CADPS: variants seen among roughly 807,000 people sequenced by gnomAD.
CADPS encodes calcium dependent secretion activator.
In CADPS, 57 loss-of-function variants were observed where a neutral mutation model predicts 167.3. The ratio of observed to expected loss-of-function variants is 0.34; its 90% CI spans 0.28 to 0.42. The LOEUF (loss-of-function observed/expected upper bound fraction) is 0.42. Ranked by LOEUF, CADPS falls within the 20% of genes least tolerant of loss-of-function variation. CADPS has a pLI of 1.00. For missense variants in CADPS, 1,414 were observed against 1,738.1 expected, an observed-to-expected ratio of 0.81 and a Z score of 3.32; for synonymous variants, 676 against 635.3, an observed-to-expected ratio of 1.06 and a Z score of -0.96.
chr3:62,801,002 G>A (rs1478341410), intron 1 of CADPS, among the ~76,000 whole-genome samples: 1 of 152,118 alleles, frequency 6.6e-6, no homozygotes, highest in Non-Finnish European at 1.5e-5. Flanking sequence ...GATGGTAAGA[G>A]TAGAGTCAAG....
chr3:62,484,452 A>G (rs980582988), intron 21 of CADPS, among the ~76,000 whole-genome samples: 1 of 152,156 alleles, frequency 6.6e-6, no homozygotes, highest in South Asian at 2.1e-4. Context: ...ACCTTAAAAC[A>G]AGTTAGTTAT....
chr3:62,447,087 G>T (rs1462500857), intron 26 of CADPS, among the ~76,000 whole-genome samples: 1 of 152,096 alleles, frequency 6.6e-6, no homozygotes, highest in Non-Finnish European at 1.5e-5. Flanking sequence ...GAACCAATAG[G>T]GTGGGGTGGA....
chr3:62,504,625 C>A (rs2066315863), intron 17 of CADPS, among the ~76,000 whole-genome samples: 1 of 152,208 alleles, frequency 6.6e-6, no homozygotes, highest in Non-Finnish European at 1.5e-5. Flanking sequence ...AGAATTCTGA[C>A]AGTGAGGTTT....
At position 62,438,354 on chromosome 3, in the gene CADPS, CA is replaced by C. The variant is rs1277400732; in HGVS notation, c.3670-144del. 1.1e-5 allele frequency: 7 copies of C among 625,276 alleles called. No individual in the cohort carries two copies. Among genetic ancestry groups the C allele is most frequent in the Non-Finnish European group, 2.0e-5 (7 of 345,812 alleles). The allele number at this position is 625,276 out of a possible 1,614,324, so 38.7% of individuals were successfully genotyped here. On this transcript the variant is annotated intron_variant, in intron 27 of 29. Transcript: ENST00000383710. This position sits in a 1 kb window ranked among gnomAD's most constrained non-coding sequence, Gnocchi z 4.7. ...GCTTTGTAGGCATGGGATTGCTGTC[CA>C]CAGCCTGGGCTGGTAGGAATTGATA... is the stretch of plus-strand genomic sequence containing the variant.
intron 1 of CADPS, among the ~76,000 whole-genome samples, chr3:62,826,820 ACT>A (rs1227284568): frequency 1.3e-5 from 2 of 152,004 alleles, no homozygotes; most frequent in Non-Finnish European, 2.9e-5. Flanking sequence ...TAACATGGTC[ACT>A]CTGCTATTTA....
chr3:62,792,596 CTTATTTT>C (rs1279867902), intron 1 of CADPS, among the ~76,000 whole-genome samples: 1 of 151,852 alleles, frequency 6.6e-6, no homozygotes, highest in African/African-American at 2.4e-5. Context: ...ACTTAAAAAA[CTTATTTT>C]TTATTTTTTA....
intron 3 of CADPS, among the ~76,000 whole-genome samples, chr3:62,738,774 A>G (rs753282332): frequency 5.3e-5 from 8 of 152,210 alleles, no homozygotes; most frequent in Non-Finnish European, 1.2e-4. Context: ...CTTTTTCATT[A>G]GGAGAGGTCA....
At chr3:62,748,337 TC>T (rs1353993668) in intron 3 of CADPS, among the ~76,000 whole-genome samples, 1 of 34,830 alleles carries the variant, frequency 2.9e-5, no homozygotes, top group Non-Finnish European at 5.4e-5. Context: ...GAAGCGAGAC[TC>T]CGTCTCAAAA....
intron 1 of CADPS, among the ~76,000 whole-genome samples, chr3:62,865,698 G>A (rs1265872574): frequency 6.6e-6 from 1 of 152,102 alleles, no homozygotes; most frequent in Non-Finnish European, 1.5e-5. Flanking sequence ...CCATATCTAA[G>A]AAGCAGTTTT....
rs186416751 is a variant in CADPS, at chr3:62,731,564, T to C, written c.888+21877A>G. 5.6e-3 allele frequency among the ~76,000 whole-genome samples: 850 copies of C among 151,180 alleles called. 37 individuals carry two copies. In the South Asian group the frequency reaches 0.11, roughly 20 times the overall value. Reference sequence around the variant, plus strand: ...TCTCTAATCCCAGAACAAGAAAGAGTCCCCTATACTGGTGCAGCTCTGGTT... The same window carrying C: ...TCTCTAATCCCAGAACAAGAAAGAGCCCCCTATACTGGTGCAGCTCTGGTT... On this transcript the variant is annotated intron_variant, in intron 3 of 29. Coordinates refer to ENST00000383710, the MANE Select transcript of CADPS (RefSeq NM_003716.4).
chr3:62,724,775 A>G (rs1046091796), intron 3 of CADPS, among the ~76,000 whole-genome samples: 67 of 152,210 alleles, frequency 4.4e-4, no homozygotes, highest in African/African-American at 1.5e-3. Flanking sequence ...GTTGCTCTCC[A>G]CGAAACCTTC....
intron 3 of CADPS, among the ~76,000 whole-genome samples, chr3:62,721,762 A>G (rs1229300104): frequency 6.6e-6 from 1 of 152,184 alleles, no homozygotes; most frequent in African/African-American, 2.4e-5. Flanking sequence ...ACATTATTTA[A>G]TTTAATTTAT....
intron 6 of CADPS, among the ~76,000 whole-genome samples, chr3:62,597,660 G>T (rs1341779808): frequency 6.6e-6 from 1 of 152,186 alleles, no homozygotes; most frequent in Non-Finnish European, 1.5e-5. Context: ...CTGTGGGGCA[G>T]TCAGTGCTTC....
At chr3:62,844,682 C>T (rs2077128737) in intron 1 of CADPS, among the ~76,000 whole-genome samples, 1 of 152,180 alleles carries the variant, frequency 6.6e-6, no homozygotes, top group African/African-American at 2.4e-5. Flanking sequence ...ACTTAAAGAT[C>T]TCAGTGCAGT....
At position 62,421,772 on chromosome 3, in the gene CADPS, C is replaced by T. The variant is rs1227645050; in HGVS notation, c.3777+16332G>A. Among the ~76,000 whole-genome samples, 2 of 152,120 alleles carry T rather than the reference C, an allele frequency of 1.3e-5. No homozygotes were observed. The highest frequency in any genetic ancestry group is 1.3e-4 in the Admixed American group (2 of 15,272). ...CTGGAGACGCATTTGGAGTTCTTTC[C>T]TAGGGATGGAGGGATGCCCCGGGTC... On this transcript the variant is annotated intron_variant, in intron 28 of 29. Transcript: ENST00000383710. This position sits in a 1 kb window ranked among gnomAD's most constrained non-coding sequence, Gnocchi z 4.7.
chr3:62,543,538 G>A (rs1439551531), intron 11 of CADPS, among the ~76,000 whole-genome samples: 1 of 151,956 alleles, frequency 6.6e-6, no homozygotes, highest in Non-Finnish European at 1.5e-5. Context: ...AGACATTCAA[G>A]AAAAGTAAAG....
rs1295171104 is a variant in CADPS, at chr3:62,874,704, T to C, written c.326A>G (p.Gln109Arg). 2 of 1,549,892 alleles carry C rather than the reference T, an allele frequency of 1.3e-6. No homozygotes were observed. The highest frequency in any genetic ancestry group is 1.7e-6 in the Non-Finnish European group (2 of 1,144,838). ...EKEKEELERL[Q>R]KEEEERKKRL... Reference sequence around the variant, plus strand: ...CTTCTTCCTCTCCTCCTCCTCTTTCTGCAGCCGCTCCAACTCTTCCTTCTC... The same window carrying C: ...CTTCTTCCTCTCCTCCTCCTCTTTCCGCAGCCGCTCCAACTCTTCCTTCTC... Residue 109 changes from glutamine to arginine, a missense_variant, in exon 1 of 30, where the codon CAG becomes CGG. Gln to Arg is a conservative substitution (Grantham distance 43). Around this residue, in one of 6 missense-constraint regions of CADPS, gnomAD observed 522 missense variants for 559.5 expected, o/e 0.93. Coordinates refer to ENST00000383710, the MANE Select transcript of CADPS (RefSeq NM_003716.4). The surrounding 1 kb of genome is among the most constrained non-coding windows in gnomAD (Gnocchi z 7.1).
At chr3:62,791,696 C>G (rs1398538348) in intron 1 of CADPS, among the ~76,000 whole-genome samples, 1 of 152,166 alleles carries the variant, frequency 6.6e-6, no homozygotes, top group Admixed American at 6.5e-5. Flanking sequence ...TAAGTCACGG[C>G]AGGAAAACGG....
rs183245657 is a variant in CADPS, at chr3:62,751,275, A to G, written c.888+2166T>C. On this transcript the variant is annotated intron_variant, in intron 3 of 29. Transcript: ENST00000383710. ...CTAAAGACATAGAAATCAAAAAACCATATATTTAGAATTCATGTGTATTTT... is the reference window on the plus strand; with the variant it reads ...CTAAAGACATAGAAATCAAAAAACCGTATATTTAGAATTCATGTGTATTTT... 2.0e-3 allele frequency among the ~76,000 whole-genome samples: 308 copies of G among 152,292 alleles called. 2 individuals are homozygous for G. Among genetic ancestry groups the G allele is most frequent in the Non-Finnish European group, 3.6e-3 (243 of 68,014 alleles).
Sources: allele counts gnomAD v4.1 joint callset (sites outside exome capture counted in the v4.1 genomes callset), GRCh38; gene constraint gnomAD v4.1.1; regional missense constraint gnomAD v4.1.1; non-coding constraint Gnocchi (gnomAD v3.1); transcripts MANE v1.5; gene names NCBI Gene and HGNC (gene_info 2026-07-23, HGNC 2026-07-21).